AJAP1: variants seen among roughly 807,000 people sequenced by gnomAD.
AJAP1 encodes adherens junction-associated protein 1.
AJAP1 carries 5 observed loss-of-function variants against 35.0 expected under a neutral mutation model. The ratio of observed to expected loss-of-function variants is 0.14; its 90% CI spans 0.07 to 0.30. The LOEUF (loss-of-function observed/expected upper bound fraction) is 0.30, where lower values mean the gene tolerates loss of function less well. AJAP1 is among the 10% of genes least tolerant of loss of function. AJAP1 has a pLI of 1.00. For missense variants in AJAP1, 586 were observed against 571.0 expected, an observed-to-expected ratio of 1.03 and a Z score of -0.27; for synonymous variants, 284 against 249.3, an observed-to-expected ratio of 1.14 and a Z score of -1.31.
chr1:4,741,637 G>A (rs1570179870), intron 2 of AJAP1, among the ~76,000 whole-genome samples: 2 of 152,290 alleles, frequency 1.3e-5, no homozygotes, highest in South Asian at 2.1e-4. Flanking sequence ...TTTCAAATGC[G>A]AGTGTTCATA....
Position 4,691,187 on chromosome 1 carries a change from C to T in AJAP1, c.30-20713C>T, listed in dbSNP as rs114250565. Among the ~76,000 whole-genome samples the T allele has an allele frequency of 8.5e-3, 1,298 of 152,304 alleles. 9 individuals carry two copies. The highest frequency in any genetic ancestry group is 0.028 in the African/African-American group (1,184 of 41,574). On this transcript the variant is annotated intron_variant, in intron 1 of 5. Transcript: ENST00000378191. ...GAGCCCAGAGTCCCCATCAGGCTCC[C>T]GGAACAGACTCCATTCCTGTTTGGG...
chr1:4,662,621 C>T (rs1359327798), intron 1 of AJAP1, among the ~76,000 whole-genome samples: 5 of 152,286 alleles, frequency 3.3e-5, no homozygotes, highest in Admixed American at 6.5e-5. Context: ...CGTCAGTGCT[C>T]GGTGGGGCCG....
intron 1 of AJAP1, among the ~76,000 whole-genome samples, chr1:4,700,371 C>G (rs112001020): frequency 2.0e-5 from 3 of 152,258 alleles, no homozygotes; most frequent in South Asian, 4.2e-4. Flanking sequence ...CCCCCACAGG[C>G]GCCCATGAGT....
chr1:4,702,509 C>T (rs2100247615), intron 1 of AJAP1, among the ~76,000 whole-genome samples: 1 of 152,366 alleles, frequency 6.6e-6, no homozygotes, highest in Admixed American at 6.5e-5. Flanking sequence ...GACCGTGGAA[C>T]CCTTCGTGAA....
chr1:4,744,154 G>A (rs773476619), intron 2 of AJAP1, among the ~76,000 whole-genome samples: 4 of 152,188 alleles, frequency 2.6e-5, no homozygotes, highest in Non-Finnish European at 5.9e-5. Context: ...AGCCAGGCCC[G>A]AGCTGGTGCA....
chr1:4,738,149 A>T (rs1640973762), intron 2 of AJAP1, among the ~76,000 whole-genome samples: 1 of 152,224 alleles, frequency 6.6e-6, no homozygotes, highest in African/African-American at 2.4e-5. Context: ...ATGGGACCCA[A>T]AGCCCAGGCG....
At chr1:4,694,498 G>A (rs1397595487) in intron 1 of AJAP1, among the ~76,000 whole-genome samples, 1 of 152,196 alleles carries the variant, frequency 6.6e-6, no homozygotes, top group Non-Finnish European at 1.5e-5. Context: ...CTGGTCAGGG[G>A]GACAGACACC....
Position 4,784,350 on chromosome 1 carries a change from C to G in AJAP1, c.*1865C>G, listed in dbSNP as rs1345467318. ...CGCCTAACATGGTGTGGGTCCCTGT[C>G]TCCAAAGACTATATTTCTCACGCGT... On this transcript the variant is annotated 3_prime_UTR_variant, in exon 6 of 6. Coordinates refer to ENST00000378191, the MANE Select transcript of AJAP1 (RefSeq NM_018836.4). 6.6e-6 allele frequency: 1 copy of G among 152,208 alleles called. No homozygotes were observed. The highest frequency in any genetic ancestry group is 1.9e-4 in the East Asian group (1 of 5,178). 9.4% of individuals were successfully genotyped at this position (152,208 alleles called of 1,614,324 possible).
chr1:4,712,231 C>A lies in AJAP1; in HGVS notation c.361C>A (p.Pro121Thr). The change falls in exon 2 of 6, where the codon CCA (proline) becomes ACA (threonine). Residue 121 changes from proline (P) to threonine (T), a missense_variant. Physicochemically the swap from Pro to Thr is conservative, Grantham distance 38 (BLOSUM62 -1). Transcript: ENST00000378191. ...LVPKAGLAKPPAAAKSSPSLA... is the reference protein window; with the variant it reads ...LVPKAGLAKPTAAAKSSPSLA... ...GCCCAAGGCAGGACTGGCCAAGCCC[C>A]CAGCTGCTGCCAAATCCAGCCCTTC... The A allele has an allele frequency of 6.5e-7, 1 of 1,535,814 alleles. No individual in the cohort carries two copies. Among genetic ancestry groups the A allele is most frequent in the East Asian group, 2.3e-5 (1 of 43,512 alleles).
In AJAP1 at chr1:4,718,968, G is replaced by T. The variant is rs916393476; in HGVS notation, c.829+6269G>T. Among the ~76,000 whole-genome samples, 4 of 152,146 alleles carry T rather than the reference G, an allele frequency of 2.6e-5. No individual in the cohort carries two copies. The South Asian group carries it at 8.3e-4, about 32-fold the overall frequency. ...GGAACGGATGGGGTCACTGACTAGT[G>T]GGGTAGCCGGCGGCTGCACGAAACA... is the stretch of plus-strand genomic sequence containing the variant. On this transcript the variant is annotated intron_variant, in intron 2 of 5. Coordinates refer to ENST00000378191, the MANE Select transcript of AJAP1 (RefSeq NM_018836.4).
Position 4,655,936 on chromosome 1 carries a change from C to G in AJAP1, c.29+482C>G. ...ACCACAGCCAAACAGCCACTCCGCT[C>G]CCCCTTCTCCTTTCTCGGGGCCCCG... On this transcript the variant is annotated intron_variant, in intron 1 of 5. Transcript: ENST00000378191. This position sits in a 1 kb window ranked among gnomAD's most constrained non-coding sequence, Gnocchi z 6.9. 1.3e-5 allele frequency among the ~76,000 whole-genome samples: 2 copies of G among 151,936 alleles called. No homozygotes were observed.
At chr1:4,679,808 G>GGGGT (rs71580281) in intron 1 of AJAP1, among the ~76,000 whole-genome samples, 15 of 142,324 alleles carry the variant, frequency 1.1e-4, no homozygotes, top group African/African-American at 1.6e-4. Flanking sequence ...GAACCAATAG[G>GGGGT]GTGTGTGTGT....
At chr1:4,756,569 G>A (rs975082059) in intron 2 of AJAP1, among the ~76,000 whole-genome samples, 25 of 152,196 alleles carry the variant, frequency 1.6e-4, no homozygotes, top group African/African-American at 4.6e-4. Context: ...AGGGCCTGCC[G>A]TGAGTGGAAC....
chr1:4,658,991 A>G (rs1424393054), intron 1 of AJAP1, among the ~76,000 whole-genome samples: 1 of 152,070 alleles, frequency 6.6e-6, no homozygotes, highest in Non-Finnish European at 1.5e-5. Flanking sequence ...TGACCCACAC[A>G]CAAATGGGGT....
intron 1 of AJAP1, among the ~76,000 whole-genome samples, chr1:4,660,470 G>A (rs1043927879): frequency 1.3e-5 from 2 of 152,044 alleles, no homozygotes; most frequent in Non-Finnish European, 2.9e-5. Context: ...ACCACTGGGG[G>A]AATCTCGGTG....
intron 2 of AJAP1, among the ~76,000 whole-genome samples, chr1:4,728,760 C>G (rs1448814512): frequency 6.6e-6 from 1 of 152,242 alleles, no homozygotes; most frequent in East Asian, 1.9e-4. Flanking sequence ...GCCCCAGCTC[C>G]TCAGAGGACA....
At chr1:4,732,011 C>T (rs1293578058) in intron 2 of AJAP1, among the ~76,000 whole-genome samples, 4 of 152,202 alleles carry the variant, frequency 2.6e-5, no homozygotes, top group South Asian at 4.1e-4. Context: ...AGTAGGGAGG[C>T]GGGAGCCTGT....
intron 1 of AJAP1, among the ~76,000 whole-genome samples, chr1:4,698,083 G>A (rs751240169): frequency 2.0e-5 from 3 of 152,222 alleles, no homozygotes; most frequent in African/African-American, 4.8e-5. Flanking sequence ...ATGAGAAAAT[G>A]GGAACTTTCT....
At chr1:4,666,852 T>G in intron 1 of AJAP1, among the ~76,000 whole-genome samples, 3 of 128,542 alleles carry the variant, frequency 2.3e-5, no homozygotes, top group East Asian at 4.7e-4. Context: ...GAGGAGCCTG[T>G]GAATCACAGG....
Sources: gnomAD v4.1 joint callset for allele counts (sites outside exome capture counted in the v4.1 genomes callset) on GRCh38, gnomAD v4.1.1 for gene constraint, Gnocchi (gnomAD v3.1) non-coding constraint, MANE v1.5 for transcripts, NCBI Gene and HGNC (gene_info 2026-07-23, HGNC 2026-07-21) for gene names.